ATP5ME: variants seen among roughly 807,000 people sequenced by gnomAD.
ATP5ME encodes the protein ATP synthase F(0) complex subunit e, mitochondrial.
In ATP5ME, 10 loss-of-function variants were observed where a neutral mutation model predicts 11.6. The ratio of observed to expected loss-of-function variants is 0.86; its 90% CI spans 0.53 to 1.46. ATP5ME has a LOEUF of 1.46. Among genes scored for constraint, ATP5ME ranks in the 40% most tolerant of loss-of-function variants. ATP5ME has a pLI of 0.00. For missense variants in ATP5ME, 115 were observed against 85.4 expected (o/e 1.35, Z -1.37); for synonymous variants, 45 against 33.5 (o/e 1.34, Z -1.19).
Position 673,931 on chromosome 4 carries a change from G to A in ATP5ME, c.72C>T (p.Ala24=). The A allele has an allele frequency of 9.7e-6, 15 of 1,546,276 alleles. No individual in the cohort carries two copies. Among genetic ancestry groups the A allele is most frequent in the East Asian group, 2.4e-5 (1 of 40,896 alleles). ...GRYSALFLGV[A]YGATRYNYLK... ...ACTCACTGTAGCGCGTGGCTCCGTA[G>A]GCCACACCGAGGAACAGGGCGGAGT... is the stretch of plus-strand genomic sequence containing the variant. Residue 24 remains alanine, a synonymous_variant, in exon 2 of 4, where the codon GCC becomes GCT. Coordinates refer to ENST00000304312, the MANE Select transcript of ATP5ME (RefSeq NM_007100.4).
intron 3 of ATP5ME, 136 bp downstream of exon 3, chr4:673,167 G>A (rs1481711394): frequency 9.4e-6 from 13 of 1,389,060 alleles, no homozygotes; most frequent in Middle Eastern, 1.8e-4. Context: ...ACAGGCATGA[G>A]CCACCACGCC....
intron 2 of ATP5ME, chr4:673,660 A>C (rs886613804): frequency 2.6e-6 from 2 of 756,602 alleles, no homozygotes; most frequent in African/African-American, 3.5e-5. Context: ...TCAAGACCTC[A>C]GCACTCGAAC....
intron 1 of ATP5ME, 92 bp from the exon 2 acceptor site, chr4:674,058 C>A: frequency 1.4e-6 from 2 of 1,442,320 alleles, no homozygotes; most frequent in South Asian, 1.3e-5. Flanking sequence ...GGGCAGAGGT[C>A]GCAGGAGGGG....
In ATP5ME at chr4:673,280, A is replaced by G. The variant is rs772776063; in HGVS notation, c.190+23T>C. On this transcript the variant is annotated intron_variant, in intron 3 of 3. Coordinates refer to ENST00000304312, the MANE Select transcript of ATP5ME (RefSeq NM_007100.4). ...TGCACAAACCTGGGAGGGACAATCT[A>G]TAAGAGCCAGTGTCACTCGTACCTT... 5.6e-6 allele frequency: 9 copies of G among 1,614,050 alleles called. No homozygotes were observed. In the Admixed American group the frequency reaches 1.0e-4, roughly 18 times the overall value.
rs560775885 is a variant in ATP5ME at position 673,216 on chromosome 4, T to C, written c.190+87A>G. On this transcript the variant is annotated intron_variant, in intron 3 of 3. Transcript: ENST00000304312. ...CATTTTTAAACAATCCGCATCTACT[T>C]AGCTCTGCTTAAATGTCCTCCTCCA... is the stretch of plus-strand genomic sequence containing the variant. 268 of 1,599,674 alleles carry C rather than the reference T, an allele frequency of 1.7e-4. 2 individuals are homozygous for C. In the South Asian group the frequency reaches 1.9e-3, roughly 11 times the overall value.
rs116499117 is a variant in ATP5ME at position 673,830 on chromosome 4, G to A, written c.91+82C>T. ...CGCATGCGTCCCAAGCCCCCTTCCA[G>A]AGCTGGAGTTCTCCAAATAGCACAG... On this transcript the variant is annotated intron_variant, in intron 2 of 3. Coordinates refer to ENST00000304312, the MANE Select transcript of ATP5ME (RefSeq NM_007100.4). 3,261 of 1,511,218 alleles carry A rather than the reference G, an allele frequency of 2.2e-3. 74 individuals are homozygous for A. The African/African-American group carries it at 0.04, about 18-fold the overall frequency. 93.6% of individuals were successfully genotyped at this position (1,511,218 alleles called of 1,614,324 possible). A position where few individuals can be genotyped will look rare whatever the true frequency, so the allele number is the denominator to read the frequency against.
chr4:674,103 G>T (rs1212813204), intron 1 of ATP5ME, 109 bp downstream of exon 1: 47 of 1,346,234 alleles, frequency 3.5e-5, no homozygotes, highest in Non-Finnish European at 3.4e-5. Flanking sequence ...GTCACGGGGC[G>T]AGGATCATGG....
chr4:673,629 G>T, intron 2 of ATP5ME: 1 of 800,594 alleles, frequency 1.2e-6, no homozygotes. Context: ...CTCGTCCTCT[G>T]CGAACAGGGA....
chr4:673,922 G>A lies in ATP5ME; in HGVS notation c.81C>T (p.Ala27=), dbSNP rs945291456. 20 of 1,546,156 alleles carry A rather than the reference G, an allele frequency of 1.3e-5. No homozygotes were observed. Among genetic ancestry groups the A allele is most frequent in the African/African-American group, 9.6e-5 (7 of 72,962 alleles). Reference sequence around the variant, plus strand: ...CCCGCGGTCACTCACTGTAGCGCGTGGCTCCGTAGGCCACACCGAGGAACA... The same window carrying A: ...CCCGCGGTCACTCACTGTAGCGCGTAGCTCCGTAGGCCACACCGAGGAACA... ...SALFLGVAYG[A]TRYNYLKPRA... is the part of the protein sequence containing the mutation. The change falls in exon 2 of 4, where the codon GCC becomes GCT. Residue 27 remains alanine, a synonymous_variant. Transcript: ENST00000304312.
At chr4:674,044 C>T in intron 1 of ATP5ME, 78 bp from the exon 2 acceptor site, 3 of 1,471,986 alleles carry the variant, frequency 2.0e-6, no homozygotes, top group Non-Finnish European at 2.7e-6. Flanking sequence ...GGGGCGGGGT[C>T]GCTGGGCAGA....
Position 674,172 on chromosome 4 carries a change from G to C in ATP5ME, c.36+40C>G, listed in dbSNP as rs372822041. 9.4e-5 allele frequency: 151 copies of C among 1,602,536 alleles called. No individual in the cohort carries two copies. In the East Asian group the frequency reaches 1.3e-3, roughly 13 times the overall value. On this transcript the variant is annotated intron_variant, in intron 1 of 3. Coordinates refer to ENST00000304312, the MANE Select transcript of ATP5ME (RefSeq NM_007100.4). ...GGAGCTGCGGGGCGGGACACGGGGG[G>C]GCCCAGAGCACTGGGCGGCGGCTGC...
intron 1 of ATP5ME, 113 bp downstream of exon 1, chr4:674,099 G>T: frequency 1.4e-6 from 2 of 1,467,334 alleles, no homozygotes; most frequent in Non-Finnish European, 1.8e-6. Context: ...GAGGGTCACG[G>T]GGCGAGGATC....
chr4:673,500 G>A lies in ATP5ME; in HGVS notation c.92-99C>T, dbSNP rs1282931300. ...GTATCTTCAGCGACGCTGTAAACCAGACGCACCTGCTGTTCCCGCTCTTTA... is the reference window on the plus strand; with the variant it reads ...GTATCTTCAGCGACGCTGTAAACCAAACGCACCTGCTGTTCCCGCTCTTTA... On this transcript the variant is annotated intron_variant, in intron 2 of 3. Transcript: ENST00000304312. The A allele has an allele frequency of 2.5e-6, 4 of 1,583,066 alleles. No homozygotes were observed. The East Asian group carries it at 6.7e-5, about 27-fold the overall frequency.
intron 1 of ATP5ME, 82 bp downstream of exon 1, chr4:674,123 CCGGGGGT>C (rs1188334775): frequency 5.3e-5 from 58 of 1,085,808 alleles, no homozygotes; most frequent in East Asian, 6.1e-5. Flanking sequence ...GGGGCGGGGG[CCGGGGGT>C]CGCAGCCCGC....
intron 3 of ATP5ME, 33 bp downstream of exon 3, chr4:673,270 G>A (rs371350754): frequency 1.2e-6 from 2 of 1,614,064 alleles, no homozygotes; most frequent in African/African-American, 1.3e-5. Flanking sequence ...AAACCTGGGA[G>A]GGACAATCTA....
Position 674,234 on chromosome 4 carries a change from A to C in ATP5ME, c.14T>G (p.Val5Gly). ...CACCTTGATGAGCGGAGAGACCTGC[A>C]CCGGTGGCACCATCTTGTCCCTGAC... MVPP[V>G]QVSPLIKLGR... Residue 5 changes from valine (V) to glycine (G), a missense_variant, in exon 1 of 4, where the codon GTG (valine) becomes GGG (glycine). Physicochemically the swap from Val to Gly is moderately radical, Grantham distance 109. Transcript: ENST00000304312. The C allele has an allele frequency of 1.9e-6, 3 of 1,611,884 alleles. No homozygotes were observed. Among genetic ancestry groups the C allele is most frequent in the Non-Finnish European group, 2.5e-6 (3 of 1,179,344 alleles).
chr4:673,996 G>A (rs770252291), intron 1 of ATP5ME, 30 bp from the exon 2 acceptor site: 2 of 1,535,058 alleles, frequency 1.3e-6, no homozygotes, highest in Non-Finnish European at 1.8e-6. Context: ...GAGGCGGCGC[G>A]AAACGGGGCT....
In ATP5ME at chr4:672,528, G is replaced by A. The variant is rs749768703; in HGVS notation, c.191-9C>T. The stretch of plus-strand genomic sequence containing the variant: ...CTTTAATATGCTGTCATCTTGGGCC[G>A]GAAGGTTAGAAGAAAAGCACATGTT... On this transcript the variant is annotated splice_polypyrimidine_tract_variant and intron_variant, in intron 3 of 3. Coordinates refer to ENST00000304312, the MANE Select transcript of ATP5ME (RefSeq NM_007100.4). The A allele has an allele frequency of 1.5e-5, 24 of 1,613,644 alleles. No homozygotes were observed. The highest frequency in any genetic ancestry group is 1.0e-4 in the Admixed American group (6 of 59,980).
chr4:673,358 T>C lies in ATP5ME; in HGVS notation c.135A>G (p.Ala45=), dbSNP rs1305939664. The C allele has an allele frequency of 5.6e-6, 9 of 1,614,210 alleles. No individual in the cohort carries two copies. The highest frequency in any genetic ancestry group is 7.6e-6 in the Non-Finnish European group (9 of 1,180,014). Residue 45 remains alanine, a synonymous_variant, in exon 3 of 4, where the codon GCA becomes GCG. Coordinates refer to ENST00000304312, the MANE Select transcript of ATP5ME (RefSeq NM_007100.4). ...GTTCATCCTGCTTCTTCTTCTCTTC[T>C]GCTGCTATCCTCCTCTCCTCTTCTG... is the stretch of plus-strand genomic sequence containing the variant. The part of the protein sequence containing the change: ...PRAEEERRIA[A]EEKKKQDELK...
Sources: allele counts gnomAD v4.1 joint callset, GRCh38; gene constraint gnomAD v4.1.1; transcripts MANE v1.5; gene names NCBI Gene and HGNC (gene_info 2026-07-23, HGNC 2026-07-21).